Variants in GGA2 observed in about 807,000 individuals in gnomAD.
GGA2 encodes ADP-ribosylation factor-binding protein GGA2.
GGA2 carries 48 observed loss-of-function variants against 79.5 expected under a neutral mutation model. The observed-to-expected ratio is 0.60, with a 90% CI of 0.48 to 0.77. The LOEUF is 0.77. Among genes scored for constraint, GGA2 ranks in the 30% least tolerant of loss-of-function variants. The probability of loss-of-function intolerance (pLI) is 0.00; values close to 1 mark genes in which losing one functional copy is unlikely to be tolerated. For missense variants in GGA2, 770 were observed against 774.0 expected (o/e 0.99, Z 0.06); for synonymous variants, 317 against 302.0 (o/e 1.05, Z -0.51).
At chr16:23,497,863 G>A (rs1567368172) in intron 1 of GGA2, among the ~76,000 whole-genome samples, 1 of 152,208 alleles carries the variant, frequency 6.6e-6, no homozygotes, top group Non-Finnish European at 1.5e-5. Flanking sequence ...GCCAGGTGCT[G>A]CAGCTCATGC....
rs574431113 is a variant in GGA2, at chr16:23,502,857, A to G, written c.92-7079T>C. Among the ~76,000 whole-genome samples, 5 of 152,378 alleles carry G rather than the reference A, an allele frequency of 3.3e-5. No individual in the cohort carries two copies. The East Asian group carries it at 9.6e-4, about 29-fold the overall frequency. On this transcript the variant is annotated intron_variant, in intron 1 of 16. Transcript: ENST00000309859. ...CTGAGGATCAACTGCCCCAGAGTCT[A>G]CAAGGGAAACACTTTCTGAGACTTT...
chr16:23,474,870 A>G, intron 14 of GGA2, 34 bp downstream of exon 14: 1 of 1,536,780 alleles, frequency 6.5e-7, no homozygotes, highest in South Asian at 1.1e-5. Flanking sequence ...CCCAGGGAAA[A>G]AAAAAAAAAG....
upstream of GGA2, chr16:23,522,759 ATG>A (rs1965159573): frequency 6.6e-6 from 1 of 152,192 alleles, no homozygotes; most frequent in African/African-American, 2.4e-5. Context: ...CTCACAGTTC[ATG>A]TGTGTCTGAC....
rs536241335 is a variant in GGA2, at chr16:23,482,685, A to G, written c.880+238T>C. Among the ~76,000 whole-genome samples, 17 of 151,986 alleles carry G rather than the reference A, an allele frequency of 1.1e-4. No individual in the cohort carries two copies. In the South Asian group the frequency reaches 2.7e-3, roughly 24 times the overall value. On this transcript the variant is annotated intron_variant, in intron 9 of 16. Transcript: ENST00000309859. ...TCTTTCTTCTACCTCTCACACCCCA[A>G]TCTCCATGGTCAATTTCCACTTCTT...
At chr16:23,486,984 G>GGTT (rs775921031) in intron 6 of GGA2, among the ~76,000 whole-genome samples, 194 bp from the exon 7 acceptor site, 1 of 133,198 alleles carries the variant, frequency 7.5e-6, no homozygotes, top group African/African-American at 2.8e-5. Context: ...CTTTTCTGTT[G>GGTT]TTTTTTTTTT....
intron 1 of GGA2, among the ~76,000 whole-genome samples, chr16:23,504,608 G>A (rs1596995567): frequency 6.6e-6 from 1 of 152,176 alleles, no homozygotes. Context: ...GACCCCCAGG[G>A]GGCCAGCAGC....
At chr16:23,468,621 G>A (rs1222748289) in intron 16 of GGA2, among the ~76,000 whole-genome samples, 50 of 151,014 alleles carry the variant, frequency 3.3e-4, no homozygotes, top group African/African-American at 2.4e-5. Flanking sequence ...CTAAAGGTGC[G>A]TGCCCCCACA....
rs1964791180 is a variant in GGA2, at chr16:23,491,749, G to A, written c.403C>T (p.Leu135Phe). Reference sequence around the variant, plus strand: ...GGAAACCAGACTGTCCAACTGAAGAGTATTTCAATGACTCTTCCTTTAACT... The same window carrying A: ...GGAAACCAGACTGTCCAACTGAAGAATATTTCAATGACTCTTCCTTTAACT... The part of the protein sequence containing the change: ...GKVKGRVIEI[L>F]FSWTVWFPED... The change falls in exon 5 of 17, where the codon CTC (leucine) becomes TTC (phenylalanine). Residue 135 changes from leucine (L) to phenylalanine (F), a missense_variant. By Grantham distance (22) the Leu-to-Phe change is conservative. Coordinates refer to ENST00000309859, the MANE Select transcript of GGA2 (RefSeq NM_015044.4). 1.2e-6 allele frequency: 2 copies of A among 1,610,710 alleles called. No individual in the cohort carries two copies. The highest frequency in any genetic ancestry group is 1.7e-6 in the Non-Finnish European group (2 of 1,177,054).
chr16:23,478,225 C>CAA lies in GGA2; in HGVS notation c.1292+141_1292+142dup, dbSNP rs111229895. 5.1e-3 allele frequency: 2,405 copies of CAA among 468,756 alleles called. 13 individuals carry two copies. Among genetic ancestry groups the CAA allele is most frequent in the African/African-American group, 0.025 (988 of 40,124 alleles). The allele number at this position is 468,756 out of a possible 1,614,324, so 29.0% of individuals were successfully genotyped here. On this transcript the variant is annotated intron_variant, in intron 13 of 16. Transcript: ENST00000309859. Reference sequence around the variant, plus strand: ...AAAAAAAAAAAAAAAGAAAAAAAGACAAAAAAAAAAAAAAGAAAGAAAGAA... The same window carrying CAA: ...AAAAAAAAAAAAAAAGAAAAAAAGACAAAAAAAAAAAAAAAAGAAAGAAAGAA...
At chr16:23,501,472 T>G (rs903890875) in intron 1 of GGA2, 1 of 419,886 alleles carries the variant, frequency 2.4e-6, no homozygotes, top group African/African-American at 2.0e-5. Context: ...ATGCAAGATA[T>G]TACTTCGACC....
chr16:23,524,299 T>G, upstream of GGA2: 1 of 1,377,882 alleles, frequency 7.3e-7, no homozygotes, highest in Non-Finnish European at 1.0e-6. Flanking sequence ...CAGGCCTCCT[T>G]CTGGTCTCTG....
At chr16:23,483,282 T>G (rs924738002) in intron 8 of GGA2, among the ~76,000 whole-genome samples, 15 of 152,154 alleles carry the variant, frequency 9.9e-5, no homozygotes, top group Admixed American at 7.2e-4. Flanking sequence ...CAAGGTGGGC[T>G]GATCACCTGA....
At chr16:23,501,685 T>C (rs1040360326) in intron 1 of GGA2, 3 of 175,210 alleles carry the variant, frequency 1.7e-5, no homozygotes, top group Non-Finnish European at 3.7e-5. Flanking sequence ...ATTAACATTA[T>C]AAGATCCTAA....
intron 4 of GGA2, among the ~76,000 whole-genome samples, chr16:23,492,184 A>T (rs533710915): frequency 6.6e-6 from 1 of 152,318 alleles, no homozygotes; most frequent in Non-Finnish European, 1.5e-5. Context: ...TATTCAAGAG[A>T]CACACTCGCA....
intron 15 of GGA2, chr16:23,469,436 G>A (rs1450641806): frequency 1.8e-5 from 3 of 167,832 alleles, no homozygotes; most frequent in South Asian, 1.5e-4. Flanking sequence ...TGTCTGTCTC[G>A]AATCTTTTCC....
chr16:23,501,470 T>A, intron 1 of GGA2: 12 of 420,310 alleles, frequency 2.9e-5, no homozygotes, highest in South Asian at 2.0e-4. Flanking sequence ...TTATGCAAGA[T>A]ATTACTTCGA....
chr16:23,492,468 A>G (rs1964801305), intron 4 of GGA2, among the ~76,000 whole-genome samples: 1 of 152,164 alleles, frequency 6.6e-6, no homozygotes, highest in African/African-American at 2.4e-5. Flanking sequence ...TGATGTGTAA[A>G]AAAACAAAAC....
At chr16:23,493,529 T>C (rs1326000524) in intron 3 of GGA2, 71 bp from the exon 4 acceptor site, 5 of 997,452 alleles carry the variant, frequency 5.0e-6, no homozygotes, top group Non-Finnish European at 8.1e-6. Flanking sequence ...AGGCTGGTAA[T>C]CACTTGCTGG....
rs768112093 is a variant in GGA2, at chr16:23,482,923, C to A, written c.880G>T (p.Ala294Ser). 1 of 1,592,650 alleles carries A rather than the reference C, an allele frequency of 6.3e-7. No individual in the cohort carries two copies. The highest frequency in any genetic ancestry group is 8.6e-7 in the Non-Finnish European group (1 of 1,160,486). ...CTACACCCAAGGAAAGAAAACTTACCGAGTGCATCATCGTCATCAGTGGTG... is the reference window on the plus strand; with the variant it reads ...CTACACCCAAGGAAAGAAAACTTACAGAGTGCATCATCGTCATCAGTGGTG... ...SDTTDDDDALAEILQANDLLT... is the reference protein window; with the variant it reads ...SDTTDDDDALSEILQANDLLT... The change falls in exon 9 of 17, where the codon GCG becomes TCG. Residue 294 changes from alanine (A) to serine (S), a missense_variant and splice_region_variant. Coordinates refer to ENST00000309859, the MANE Select transcript of GGA2 (RefSeq NM_015044.4).
Sources: allele counts gnomAD v4.1 joint callset (sites outside exome capture counted in the v4.1 genomes callset), GRCh38; gene constraint gnomAD v4.1.1; transcripts MANE v1.5; gene names NCBI Gene and HGNC (gene_info 2026-07-23, HGNC 2026-07-21).